Variants in GTF2H1 observed in about 807,000 individuals in gnomAD.
GTF2H1 encodes general transcription factor IIH subunit 1.
Under a neutral mutation model 71.2 loss-of-function variants are expected in GTF2H1, and 16 were observed. That is an observed-to-expected ratio of 0.22 (90% CI 0.15 to 0.34). GTF2H1 has a LOEUF of 0.34. Ranked by LOEUF, GTF2H1 falls within the 10% of genes least tolerant of loss-of-function variation. The probability of loss-of-function intolerance (pLI) is 1.00; values close to 1 mark genes in which losing one functional copy is unlikely to be tolerated. For missense variants in GTF2H1, 498 were observed against 648.2 expected, an observed-to-expected ratio of 0.77 and a Z score of 2.52; for synonymous variants, 215 against 219.0, an observed-to-expected ratio of 0.98 and a Z score of 0.16.
chr11:18,343,507 C>A (rs991157142), intron 7 of GTF2H1, among the ~76,000 whole-genome samples: 2 of 152,110 alleles, frequency 1.3e-5, no homozygotes, highest in Non-Finnish European at 1.5e-5. Context: ...CTATCACAGG[C>A]TATGATCTAT....
intron 11 of GTF2H1, among the ~76,000 whole-genome samples, chr11:18,356,510 C>T (rs1045188348): frequency 7.9e-5 from 12 of 152,014 alleles, no homozygotes; most frequent in African/African-American, 2.9e-4. Flanking sequence ...TTGACCAATT[C>T]TTTCAATGTA....
chr11:18,347,016 A>T (rs908006932), intron 7 of GTF2H1: 1 of 150,532 alleles, frequency 6.6e-6, no homozygotes, highest in Non-Finnish European at 1.5e-5. Flanking sequence ...CTGGGATTAC[A>T]GGTATCCTGA....
At chr11:18,345,239 G>A (rs759967554) in intron 7 of GTF2H1, among the ~76,000 whole-genome samples, 10 of 151,924 alleles carry the variant, frequency 6.6e-5, no homozygotes, top group East Asian at 1.9e-4. Flanking sequence ...AAAAAGTTGC[G>A]TGCTTCAGAG....
chr11:18,335,374 T>C (rs1311818414), intron 2 of GTF2H1, among the ~76,000 whole-genome samples: 1 of 152,208 alleles, frequency 6.6e-6, no homozygotes, highest in African/African-American at 2.4e-5. Context: ...TTTTGGATCA[T>C]GATAGGTCAT....
Position 18,365,243 on chromosome 11 carries a change from T to C in GTF2H1, c.1561-540T>C, listed in dbSNP as rs776383698. On this transcript the variant is annotated intron_variant, in intron 14 of 14. Transcript: ENST00000265963. ...AAATACAAAAATTAGCCAGGTGTGG[T>C]GGCTCATGGTTGTAATCCTAGCTAC... Among the ~76,000 whole-genome samples, 7 of 152,018 alleles carry C rather than the reference T, an allele frequency of 4.6e-5. No individual in the cohort carries two copies. In the East Asian group the frequency reaches 9.7e-4, roughly 21 times the overall value.
chr11:18,363,573 C>A (rs773970692), intron 14 of GTF2H1, among the ~76,000 whole-genome samples: 8 of 152,098 alleles, frequency 5.3e-5, no homozygotes, highest in Non-Finnish European at 1.2e-4. Flanking sequence ...GGGAGTTTTA[C>A]AATTGAAAGC....
intron 13 of GTF2H1, among the ~76,000 whole-genome samples, chr11:18,359,112 G>A (rs1269045228): frequency 6.6e-6 from 1 of 152,152 alleles, no homozygotes; most frequent in Non-Finnish European, 1.5e-5. Flanking sequence ...CTATGATTAA[G>A]TAAAAGATAA....
chr11:18,333,880 T>C (rs550111621), intron 2 of GTF2H1, among the ~76,000 whole-genome samples: 5 of 152,346 alleles, frequency 3.3e-5, no homozygotes, highest in Admixed American at 3.3e-4. Flanking sequence ...TCTTTGCTTA[T>C]GTGGCCATCT....
chr11:18,351,227 GA>G (rs570927805), intron 9 of GTF2H1, among the ~76,000 whole-genome samples: 89 of 140,642 alleles, frequency 6.3e-4, no homozygotes, highest in Non-Finnish European at 1.1e-3. Flanking sequence ...TATGCGCCTA[GA>G]AAAAAAAAAT....
At chr11:18,325,922 T>C (rs1864753002) in intron 1 of GTF2H1, 1 of 152,224 alleles carries the variant, frequency 6.6e-6, no homozygotes, top group African/African-American at 2.4e-5. Context: ...CCAATAACTT[T>C]CATAAATTTC....
At position 18,362,333 on chromosome 11, in the gene GTF2H1, T is replaced by G. The variant is rs559658333; in HGVS notation, c.1560+1626T>G. Reference sequence around the variant, plus strand: ...GCAGGACTGCAGGACTAGAAGTTGCTCTGGGTGACTCAGTGAGTGAATGTG... The same window carrying G: ...GCAGGACTGCAGGACTAGAAGTTGCGCTGGGTGACTCAGTGAGTGAATGTG... On this transcript the variant is annotated intron_variant, in intron 14 of 14. Transcript: ENST00000265963. 1.9e-4 allele frequency among the ~76,000 whole-genome samples: 29 copies of G among 152,304 alleles called. No homozygotes were observed. In the East Asian group the frequency reaches 4.8e-3, roughly 25 times the overall value.
intron 1 of GTF2H1, chr11:18,332,546 T>C (rs1864924900): frequency 6.6e-6 from 1 of 152,298 alleles, no homozygotes; most frequent in African/African-American, 2.4e-5. Flanking sequence ...ATGTGAAGTG[T>C]TAAATATTTA....
chr11:18,350,542 A>G (rs889533748), intron 9 of GTF2H1, among the ~76,000 whole-genome samples: 2 of 152,194 alleles, frequency 1.3e-5, no homozygotes, highest in Non-Finnish European at 2.9e-5. Flanking sequence ...AAGCTGGAGC[A>G]ATTTAAAACG....
intron 9 of GTF2H1, 34 bp downstream of exon 9, chr11:18,347,953 C>A (rs1296282348): frequency 7.6e-7 from 1 of 1,320,550 alleles, no homozygotes; most frequent in Non-Finnish European, 1.1e-6. Flanking sequence ...ATTTGGGGCT[C>A]AAGTTTCTCC....
At chr11:18,360,493 T>C (rs960186176) in intron 13 of GTF2H1, 122 bp from the exon 14 acceptor site, 1 of 539,322 alleles carries the variant, frequency 1.9e-6, no homozygotes, top group Non-Finnish European at 3.2e-6. Flanking sequence ...ATATTTTTAT[T>C]TTATTTTTAC....
intron 9 of GTF2H1, among the ~76,000 whole-genome samples, chr11:18,351,215 G>A (rs973819321): frequency 2.0e-5 from 3 of 150,354 alleles, no homozygotes; most frequent in Non-Finnish European, 4.4e-5. Context: ...GGGAGGTGGT[G>A]ATATGCGCCT....
In GTF2H1 at chr11:18,339,641, T is replaced by G; in HGVS notation, c.591T>G (p.Phe197Leu). 6.3e-7 allele frequency: 1 copy of G among 1,589,544 alleles called. No individual in the cohort carries two copies. The highest frequency in any genetic ancestry group is 8.6e-7 in the Non-Finnish European group (1 of 1,157,662). Reference sequence around the variant, plus strand: ...CTTCTGATATCATTGAGTCCATATTTAGGACCTATCCAGCAGGTAAGAAGA... The same window carrying G: ...CTTCTGATATCATTGAGTCCATATTGAGGACCTATCCAGCAGGTAAGAAGA... ...NLTSDIIESI[F>L]RTYPAVKMKY... Residue 197 changes from phenylalanine to leucine, a missense_variant, in exon 5 of 15, where the codon TTT becomes TTG. Phe to Leu is a conservative substitution (Grantham distance 22). Transcript: ENST00000265963.
intron 1 of GTF2H1, among the ~76,000 whole-genome samples, chr11:18,323,781 T>C: frequency 6.6e-6 from 1 of 152,194 alleles, no homozygotes; most frequent in East Asian, 1.9e-4. Context: ...ACTTCTATCC[T>C]AGAGGCCACT....
rs558238538 is a variant in GTF2H1 at position 18,357,617 on chromosome 11, C to T, written c.1261-335C>T. The stretch of plus-strand genomic sequence containing the variant: ...CATGTTGTTTTACCTGTTTTCTTTC[C>T]TTAAACTCAATTTTACCTTCAGTGG... On this transcript the variant is annotated intron_variant, in intron 11 of 14. Coordinates refer to ENST00000265963, the MANE Select transcript of GTF2H1 (RefSeq NM_005316.4). 2.6e-5 allele frequency among the ~76,000 whole-genome samples: 4 copies of T among 152,188 alleles called. No individual in the cohort carries two copies. The East Asian group carries it at 7.7e-4, about 29-fold the overall frequency.
Sources: allele counts gnomAD v4.1 joint callset (sites outside exome capture counted in the v4.1 genomes callset), GRCh38; gene constraint gnomAD v4.1.1; transcripts MANE v1.5; gene names NCBI Gene and HGNC (gene_info 2026-07-23, HGNC 2026-07-21).